KIF2A: variants seen among roughly 807,000 people sequenced by gnomAD.
KIF2A encodes the protein kinesin family member 2A, also known as kinesin-like protein KIF2A.
A neutral mutation model predicts 100.2 loss-of-function variants in KIF2A; 22 were observed. The ratio of observed to expected loss-of-function variants is 0.22; its 90% confidence interval spans 0.16 to 0.31. The LOEUF (loss-of-function observed/expected upper bound fraction) is 0.31. Among genes scored for constraint, KIF2A ranks in the 10% least tolerant of loss-of-function variants. The pLI, the probability that KIF2A is intolerant of heterozygous loss-of-function variation, is 1.00. For missense variants in KIF2A, 495 were observed against 898.7 expected (o/e 0.55, Z 5.74); for synonymous variants, 268 against 285.9 (o/e 0.94, Z 0.63).
At chr5:62,382,398 G>A (rs1001081513) in intron 20 of KIF2A, among the ~76,000 whole-genome samples, 3 of 152,130 alleles carry the variant, frequency 2.0e-5, no homozygotes, top group Admixed American at 6.5e-5. Context: ...CTAGGATCAC[G>A]CCACTGCACT....
chr5:62,352,873 A>T (rs1747924040), intron 5 of KIF2A, 163 bp downstream of exon 5: 2 of 548,178 alleles, frequency 3.6e-6, no homozygotes, highest in South Asian at 9.0e-5. Flanking sequence ...TTAGTCTGTT[A>T]ATTGGGTTTT....
chr5:62,367,739 G>A (rs1741144543), intron 16 of KIF2A, among the ~76,000 whole-genome samples: 1 of 151,978 alleles, frequency 6.6e-6, no homozygotes, highest in Non-Finnish European at 1.5e-5. Flanking sequence ...AATTATAATG[G>A]GCATATTTAT....
At chr5:62,324,807 A>C (rs1029444495) in intron 1 of KIF2A, among the ~76,000 whole-genome samples, 17 of 151,770 alleles carry the variant, frequency 1.1e-4, no homozygotes, top group Non-Finnish European at 2.1e-4. Context: ...TTATCAAAGA[A>C]TGTATGACCA....
Position 62,366,728 on chromosome 5 carries a change from A to G in KIF2A, c.1646+247A>G, listed in dbSNP as rs247225. Among the ~76,000 whole-genome samples, 87,755 of 151,390 alleles carry G rather than the reference A, an allele frequency of 0.58. 27,133 individuals carry two copies. The highest frequency in any genetic ancestry group is 0.81 in the African/African-American group (33,232 of 41,264). ...TGCCTGTAGTCCCAGCTACTCGGGA[A>G]GCTGAGGCAGGAGAATGGCCTGAAC... On this transcript the variant is annotated intron_variant, in intron 16 of 20. Coordinates refer to ENST00000407818, the MANE Select transcript of KIF2A (RefSeq NM_001098511.3).
At chr5:62,318,283 A>G (rs952252622) in intron 1 of KIF2A, among the ~76,000 whole-genome samples, 15 of 152,082 alleles carry the variant, frequency 9.9e-5, no homozygotes, top group Non-Finnish European at 1.6e-4. Flanking sequence ...GGGTTTCACT[A>G]TGTTGAGCAG....
intron 1 of KIF2A, among the ~76,000 whole-genome samples, chr5:62,345,072 C>G (rs1475980101): frequency 1.3e-5 from 2 of 151,570 alleles, no homozygotes; most frequent in Admixed American, 6.6e-5. Context: ...ATGGAGAAAC[C>G]CTGTCCTCTA....
chr5:62,379,732 C>G (rs1440725914), intron 19 of KIF2A, among the ~76,000 whole-genome samples: 1 of 151,694 alleles, frequency 6.6e-6, no homozygotes, highest in Non-Finnish European at 1.5e-5. Context: ...AAGACACATA[C>G]CTATGTTAAC....
At chr5:62,338,403 C>T (rs1253121292) in intron 1 of KIF2A, among the ~76,000 whole-genome samples, 1 of 152,160 alleles carries the variant, frequency 6.6e-6, no homozygotes, top group Non-Finnish European at 1.5e-5. Context: ...ATTCTCCTGT[C>T]TCAGCCTCCC....
intron 1 of KIF2A, among the ~76,000 whole-genome samples, chr5:62,343,056 C>T (rs558592450): frequency 1.0e-3 from 156 of 152,026 alleles, no homozygotes; most frequent in African/African-American, 3.7e-3. Context: ...CCAGCCTGGT[C>T]TGAAAGTTTT....
intron 9 of KIF2A, among the ~76,000 whole-genome samples, chr5:62,359,963 T>C (rs1268201877): frequency 6.6e-6 from 1 of 152,118 alleles, no homozygotes; most frequent in Non-Finnish European, 1.5e-5. Flanking sequence ...TATAAAATGT[T>C]CTACTTGTAG....
At position 62,355,401 on chromosome 5, in the gene KIF2A, C is replaced by T. The variant is rs149004845; in HGVS notation, c.654+147C>T. 1,134 of 566,088 alleles carry T rather than the reference C, an allele frequency of 2.0e-3. 8 individuals carry two copies. Among genetic ancestry groups the T allele is most frequent in the Non-Finnish European group, 3.2e-3 (1,021 of 314,612 alleles). The allele number at this position is 566,088 out of a possible 1,614,324, so 35.1% of individuals were successfully genotyped here. A position where few individuals can be genotyped will look rare whatever the true frequency, so the allele number is the denominator to read the frequency against. The stretch of plus-strand genomic sequence containing the variant: ...ATTCCCCATATTTTAAGAAGAAAAT[C>T]AAGAAATTATCCACATTAATGCTTA... On this transcript the variant is annotated intron_variant, in intron 7 of 20. Coordinates refer to ENST00000407818, the MANE Select transcript of KIF2A (RefSeq NM_001098511.3).
rs1233766177 is a variant in KIF2A at position 62,306,554 on chromosome 5, C to A, written c.64+18C>A. Reference sequence around the variant, plus strand: ...CAGCGATGGTGAGCCGCGCTGCCAGCCCCGCTGGCCCGCTCGGCCCCGTGT... The same window carrying A: ...CAGCGATGGTGAGCCGCGCTGCCAGACCCGCTGGCCCGCTCGGCCCCGTGT... On this transcript the variant is annotated intron_variant, in intron 1 of 20. Coordinates refer to ENST00000407818, the MANE Select transcript of KIF2A (RefSeq NM_001098511.3). 9 of 1,540,728 alleles carry A rather than the reference C, an allele frequency of 5.8e-6. No homozygotes were observed. The highest frequency in any genetic ancestry group is 1.4e-5 in the African/African-American group (1 of 71,938).
chr5:62,311,630 G>C (rs1443954611), intron 1 of KIF2A, among the ~76,000 whole-genome samples: 1 of 152,064 alleles, frequency 6.6e-6, no homozygotes, highest in Non-Finnish European at 1.5e-5. Context: ...CACTATATAG[G>C]CTTCTGGAGA....
At chr5:62,380,024 T>G (rs1180611131) in intron 19 of KIF2A, among the ~76,000 whole-genome samples, 2 of 152,128 alleles carry the variant, frequency 1.3e-5, no homozygotes, top group African/African-American at 2.4e-5. Flanking sequence ...CCCAAGTAAC[T>G]GGGATTGCAG....
intron 1 of KIF2A, among the ~76,000 whole-genome samples, chr5:62,342,071 A>G (rs1471106305): frequency 1.3e-5 from 2 of 152,198 alleles, no homozygotes. Flanking sequence ...TTCTGCTGAT[A>G]AAACCATATC....
chr5:62,308,265 C>T (rs1324645339), intron 1 of KIF2A: 1 of 1,122,240 alleles, frequency 8.9e-7, no homozygotes, highest in Non-Finnish European at 1.2e-6. Context: ...ATTTTCTCTT[C>T]AGATTACTTT....
chr5:62,338,849 T>C (rs780312810), intron 1 of KIF2A, among the ~76,000 whole-genome samples: 3 of 151,946 alleles, frequency 2.0e-5, no homozygotes, highest in Non-Finnish European at 4.4e-5. Flanking sequence ...TATAGAGAAA[T>C]AGCCCAAACA....
At chr5:62,382,765 T>G (rs954429945) in intron 20 of KIF2A, among the ~76,000 whole-genome samples, 4 of 146,442 alleles carry the variant, frequency 2.7e-5, no homozygotes, top group African/African-American at 2.5e-5. Context: ...TCCCGAGTAG[T>G]TGGGATTACA....
intron 1 of KIF2A, among the ~76,000 whole-genome samples, chr5:62,324,144 A>G (rs79314976): frequency 0.17 from 25,285 of 152,180 alleles, 2,260 homozygotes; most frequent in Admixed American, 0.22. Context: ...ATACCTAGGA[A>G]TACAGCTAAC....
Sources: allele counts gnomAD v4.1 joint callset (sites outside exome capture counted in the v4.1 genomes callset), GRCh38; gene constraint gnomAD v4.1.1; transcripts MANE v1.5; gene names NCBI Gene and HGNC (gene_info 2026-07-23, HGNC 2026-07-21).